COG3: variants seen among roughly 807,000 people sequenced by gnomAD.
COG3 encodes conserved oligomeric Golgi complex subunit 3.
In COG3, 32 loss-of-function variants were observed where a neutral mutation model predicts 114.1. That is an observed-to-expected ratio of 0.28 (90% CI 0.21 to 0.38). COG3 has a LOEUF of 0.38. COG3 is among the 10% of genes least tolerant of loss of function. The pLI is 1.00. For missense variants in COG3, 813 were observed against 973.2 expected (o/e 0.84, Z 2.19); for synonymous variants, 352 against 365.7 (o/e 0.96, Z 0.43).
chr13:45,511,613 G>A, intron 15 of COG3, 152 bp from the exon 16 acceptor site: 1 of 604,842 alleles, frequency 1.7e-6, no homozygotes, highest in South Asian at 2.0e-5. Context: ...AGGTTGCATG[G>A]GAATAGGAAA....
At chr13:45,514,809 G>A (rs1048863680) in intron 16 of COG3, among the ~76,000 whole-genome samples, 2 of 151,818 alleles carry the variant, frequency 1.3e-5, no homozygotes, top group Non-Finnish European at 2.9e-5. Context: ...CACCATGCCC[G>A]GCTAATTTTT....
chr13:45,508,459 T>C (rs1870490804), intron 14 of COG3, among the ~76,000 whole-genome samples: 1 of 150,230 alleles, frequency 6.7e-6, no homozygotes, highest in Non-Finnish European at 1.5e-5. Context: ...TGTATGTGTG[T>C]ATTTGTATGT....
intron 8 of COG3, among the ~76,000 whole-genome samples, chr13:45,488,518 A>G (rs1886812218): frequency 6.6e-6 from 1 of 152,228 alleles, no homozygotes; most frequent in Non-Finnish European, 1.5e-5. Context: ...TTAATAAAAA[A>G]GATTAAGGAT....
intron 13 of COG3, among the ~76,000 whole-genome samples, chr13:45,500,794 G>A (rs529459842): frequency 1.3e-5 from 2 of 152,068 alleles, no homozygotes; most frequent in Non-Finnish European, 2.9e-5. Flanking sequence ...ACAACACCAC[G>A]TTGCACTTAG....
At chr13:45,470,548 G>C (rs940737730) in intron 1 of COG3, among the ~76,000 whole-genome samples, 2 of 152,162 alleles carry the variant, frequency 1.3e-5, no homozygotes, top group Non-Finnish European at 2.9e-5. Flanking sequence ...TATTAAAAAG[G>C]TGAAATAATG....
chr13:45,490,891 G>T (rs1451154264), intron 8 of COG3, 24 bp from the exon 9 acceptor site: 3 of 1,490,546 alleles, frequency 2.0e-6, no homozygotes, highest in Non-Finnish European at 1.8e-6. Flanking sequence ...ATGGTTTTTT[G>T]ATGCATTTTT....
intron 19 of COG3, among the ~76,000 whole-genome samples, chr13:45,522,636 A>G (rs1460834017): frequency 2.6e-5 from 4 of 152,224 alleles, no homozygotes; most frequent in Non-Finnish European, 5.9e-5. Context: ...AAAAAATAAA[A>G]TAAGTACTAG....
chr13:45,510,793 A>G (rs1338378797), intron 15 of COG3, among the ~76,000 whole-genome samples: 1 of 152,192 alleles, frequency 6.6e-6, no homozygotes, highest in Non-Finnish European at 1.5e-5. Context: ...TCCAGTGTAA[A>G]ATACGTTAAG....
intron 14 of COG3, among the ~76,000 whole-genome samples, chr13:45,508,384 TTTTATATA>T (rs1870449105): frequency 6.0e-5 from 2 of 33,268 alleles, no homozygotes; most frequent in Admixed American, 8.9e-4. Context: ...TTATATATAT[TTTTATATA>T]TATATATATA....
intron 11 of COG3, among the ~76,000 whole-genome samples, chr13:45,492,998 A>G (rs1051050886): frequency 6.6e-6 from 1 of 152,234 alleles, no homozygotes; most frequent in Non-Finnish European, 1.5e-5. Context: ...ATAGTGAAGT[A>G]GAATATAAAA....
At chr13:45,515,559 G>A (rs1367963255) in intron 16 of COG3, among the ~76,000 whole-genome samples, 1 of 152,218 alleles carries the variant, frequency 6.6e-6, no homozygotes, top group African/African-American at 2.4e-5. Context: ...GACTCTTGTG[G>A]ATGGGTCCTG....
intron 16 of COG3, among the ~76,000 whole-genome samples, chr13:45,512,615 G>A (rs552190935): frequency 6.6e-6 from 1 of 150,472 alleles, no homozygotes; most frequent in South Asian, 2.1e-4. Flanking sequence ...TTACAGGTGT[G>A]AGCCACTGTG....
rs775144737 is a variant in COG3 at position 45,486,527 on chromosome 13, C to T, written c.876C>T (p.Ala292=). The T allele has an allele frequency of 6.2e-6, 10 of 1,611,106 alleles. No homozygotes were observed. The highest frequency in any genetic ancestry group is 3.3e-5 in the South Asian group (3 of 91,014). ...DPSSVPNADN[A]FTLFYVKFRA... is the part of the protein sequence containing the mutation. ...CATCTGTACCTAATGCAGACAATGC[C>T]TTCACATTATTTTATGTGAAATTTC... The change falls in exon 8 of 23, where the codon GCC becomes GCT. Residue 292 remains alanine, a synonymous_variant. Coordinates refer to ENST00000349995, the MANE Select transcript of COG3 (RefSeq NM_031431.4).
intron 1 of COG3, 179 bp downstream of exon 1, chr13:45,465,389 T>A: frequency 9.3e-7 from 1 of 1,076,276 alleles, no homozygotes; most frequent in Non-Finnish European, 1.3e-6. Flanking sequence ...TCGCTCTGCC[T>A]GCGACCCCGA....
At chr13:45,472,219 A>G (rs970398608) in intron 1 of COG3, among the ~76,000 whole-genome samples, 2 of 152,078 alleles carry the variant, frequency 1.3e-5, no homozygotes, top group South Asian at 2.1e-4. Flanking sequence ...TCTGTATAGA[A>G]TATGTCTTTT....
intron 14 of COG3, among the ~76,000 whole-genome samples, chr13:45,504,307 A>G (rs899170227): frequency 3.3e-5 from 5 of 152,208 alleles, no homozygotes; most frequent in African/African-American, 7.2e-5. Context: ...TGCTCGCCCT[A>G]TAGGAGGGAG....
intron 1 of COG3, among the ~76,000 whole-genome samples, chr13:45,468,757 G>A (rs928308702): frequency 2.0e-5 from 3 of 152,188 alleles, no homozygotes; most frequent in Non-Finnish European, 4.4e-5. Flanking sequence ...CTGCAGCACT[G>A]GCCCATTAGC....
chr13:45,529,950 C>A, intron 21 of COG3, 32 bp downstream of exon 21: 2 of 1,583,390 alleles, frequency 1.3e-6, no homozygotes, highest in Non-Finnish European at 8.6e-7. Context: ...TGAATGTTGG[C>A]GGGTGACTTC....
intron 20 of COG3, among the ~76,000 whole-genome samples, chr13:45,529,176 C>G (rs1358618372): frequency 6.6e-6 from 1 of 152,122 alleles, no homozygotes; most frequent in Non-Finnish European, 1.5e-5. Flanking sequence ...TTGTAGTTTT[C>G]TAGATAACTT....
Sources: gnomAD v4.1 joint callset for allele counts (sites outside exome capture counted in the v4.1 genomes callset) on GRCh38, gnomAD v4.1.1 for gene constraint, MANE v1.5 for transcripts, NCBI Gene and HGNC (gene_info 2026-07-23, HGNC 2026-07-21) for gene names.